AUNIP: variants seen among roughly 807,000 people sequenced by gnomAD.
The protein encoded by AUNIP is aurora kinase A and ninein interacting protein.
A neutral mutation model predicts 12.2 loss-of-function variants in AUNIP; 16 were observed. The observed-to-expected ratio is 1.31, with a 90% CI of 0.88 to 1.99. AUNIP has a LOEUF of 1.99. Among genes scored for constraint, AUNIP ranks in the 30% most tolerant of loss-of-function variants. The pLI is 0.00. For missense variants in AUNIP, 411 were observed against 419.1 expected (o/e 0.98, Z 0.17); for synonymous variants, 142 against 154.8 (o/e 0.92, Z 0.61).
intron 1 of AUNIP, among the ~76,000 whole-genome samples, chr1:25,850,111 G>T (rs2048415925): frequency 6.6e-6 from 1 of 151,650 alleles, no homozygotes; most frequent in African/African-American, 2.4e-5. Flanking sequence ...CAAATTTTAT[G>T]GTATATGAAT....
At chr1:25,842,273 T>TC (rs2048352126) in intron 1 of AUNIP, among the ~76,000 whole-genome samples, 1 of 152,248 alleles carries the variant, frequency 6.6e-6, no homozygotes, top group Admixed American at 6.5e-5. Context: ...GTGGTCTGGA[T>TC]AAATGATCAA....
In AUNIP at chr1:25,835,341, C is replaced by T. The variant is rs1572258248; in HGVS notation, c.726G>A (p.Gln242=). Residue 242 remains glutamine, a synonymous_variant, in exon 3 of 3, where the codon CAG becomes CAA. Coordinates refer to ENST00000374298, the MANE Select transcript of AUNIP (RefSeq NM_024037.3). ...TGTATGTTTGAAGGAGGACAGGGGC[C>T]TGCCTGTTTTCTTTGGCAGACACCT... ...ERKVSAKENR[Q]APVLLQTYRE... 1.2e-6 allele frequency: 2 copies of T among 1,614,236 alleles called. No individual in the cohort carries two copies. Among genetic ancestry groups the T allele is most frequent in the East Asian group, 4.5e-5 (2 of 44,892 alleles).
At chr1:25,859,183 C>T (rs1557458615) in intron 1 of AUNIP, 97 bp downstream of exon 1, 4 of 1,286,954 alleles carry the variant, frequency 3.1e-6, no homozygotes, top group Non-Finnish European at 4.3e-6. Context: ...TCCCCGACTT[C>T]GCTTTCATCA....
intron 1 of AUNIP, among the ~76,000 whole-genome samples, chr1:25,838,353 A>T (rs1467164299): frequency 1.3e-5 from 2 of 150,856 alleles, no homozygotes; most frequent in Admixed American, 6.6e-5. Context: ...AAATACAAAA[A>T]TTAGCCAGGC....
chr1:25,837,249 GCTTTT>G (rs2048309725), intron 2 of AUNIP, among the ~76,000 whole-genome samples, 159 bp downstream of exon 2: 1 of 152,190 alleles, frequency 6.6e-6, no homozygotes, highest in Non-Finnish European at 1.5e-5. Flanking sequence ...CACATATATT[GCTTTT>G]CAAAAGGCAA....
At chr1:25,832,047 T>G, downstream of AUNIP, 2 of 1,614,050 alleles carry the variant, frequency 1.2e-6, no homozygotes, top group East Asian at 4.5e-5. Flanking sequence ...CTCTGCAAAC[T>G]CAGTCTCATG....
At chr1:25,833,871 T>A (rs2048275468), downstream of AUNIP, 1 of 332,542 alleles carries the variant, frequency 3.0e-6, no homozygotes, top group South Asian at 1.2e-4. Flanking sequence ...CAAGGAATAA[T>A]GCCTTGGGTA....
rs1553124684 is a variant in AUNIP, at chr1:25,855,017, C to CGCAAACTTGGCTCACT, written c.78+4262_78+4263insAGTGAGCCAAGTTTGC. On this transcript the variant is annotated intron_variant, in intron 1 of 2. Transcript: ENST00000374298. ...TATCACCCAGTCTGGAGTGCAGTGG[C>CGCAAACTTGGCTCACT]GCAACCTTGGCTCACTGCAACCTCC... 1.3e-4 allele frequency among the ~76,000 whole-genome samples: 18 copies of CGCAAACTTGGCTCACT among 138,864 alleles called. No individual in the cohort carries two copies. In the East Asian group the frequency reaches 3.1e-3, roughly 24 times the overall value. The allele number at this position is 138,864 out of a possible 152,430, so 91.1% of individuals were successfully genotyped here. A position where few individuals can be genotyped will look rare whatever the true frequency, so the allele number is the denominator to read the frequency against.
intron 1 of AUNIP, among the ~76,000 whole-genome samples, chr1:25,857,689 C>T (rs1356062707): frequency 6.6e-6 from 1 of 151,474 alleles, no homozygotes; most frequent in Non-Finnish European, 1.5e-5. Flanking sequence ...ATAGTGAAAC[C>T]CTGTCTCTAC....
Position 25,835,188 on chromosome 1 carries a change from T to A in AUNIP, c.879A>T (p.Gln293His). The A allele has an allele frequency of 6.2e-7, 1 of 1,614,232 alleles. No individual in the cohort carries two copies. The highest frequency in any genetic ancestry group is 8.5e-7 in the Non-Finnish European group (1 of 1,180,046). Residue 293 changes from glutamine to histidine, a missense_variant, in exon 3 of 3, where the codon CAA becomes CAT. Transcript: ENST00000374298. ...SWSQLFTEDSQGQRVIAHNTR... is the reference protein window; with the variant it reads ...SWSQLFTEDSHGQRVIAHNTR... ...TGTTGTGGGCAATGACCCGCTGGCC[T>A]TGAGAATCTTCAGTGAAAAGTTGAC...
intron 1 of AUNIP, among the ~76,000 whole-genome samples, chr1:25,840,752 C>G (rs907414537): frequency 6.6e-6 from 1 of 152,168 alleles, no homozygotes; most frequent in East Asian, 1.9e-4. Context: ...TTGGGACCAA[C>G]TCAATACATT....
At chr1:25,836,841 A>G (rs2048306733) in intron 2 of AUNIP, among the ~76,000 whole-genome samples, 1 of 152,216 alleles carries the variant, frequency 6.6e-6, no homozygotes, top group Admixed American at 6.5e-5. Context: ...CACACCCGGC[A>G]TTAGAGCACT....
chr1:25,832,287 A>G, downstream of AUNIP: 1 of 1,058,690 alleles, frequency 9.4e-7, no homozygotes, highest in Non-Finnish European at 1.4e-6. Flanking sequence ...TTTAAAGGGT[A>G]AGAGAGAAGT....
intron 1 of AUNIP, among the ~76,000 whole-genome samples, chr1:25,843,780 G>A (rs1301334770): frequency 6.6e-6 from 1 of 151,966 alleles, no homozygotes; most frequent in Non-Finnish European, 1.5e-5. Flanking sequence ...AGAATTAAAA[G>A]TGGACCCTGA....
chr1:25,835,987 C>A, intron 2 of AUNIP, 141 bp from the exon 3 acceptor site: 3 of 1,292,162 alleles, frequency 2.3e-6, no homozygotes, highest in Non-Finnish European at 3.1e-6. Flanking sequence ...AACTTTGTAG[C>A]CAATCTTCCT....
downstream of AUNIP, chr1:25,832,056 T>C (rs369725159): frequency 1.7e-5 from 28 of 1,613,934 alleles, no homozygotes; most frequent in Non-Finnish European, 2.2e-5. Flanking sequence ...CTCAGTCTCA[T>C]GCTCCTGGAA....
chr1:25,855,443 C>T lies in AUNIP; in HGVS notation c.78+3837G>A, dbSNP rs188182840. On this transcript the variant is annotated intron_variant, in intron 1 of 2. Coordinates refer to ENST00000374298, the MANE Select transcript of AUNIP (RefSeq NM_024037.3). ...TCCCAAAGTGCTGAGATTACAGGCA[C>T]GAGCCACAGTCCTGTTTAATTTTTT... 1.3e-4 allele frequency among the ~76,000 whole-genome samples: 20 copies of T among 152,004 alleles called. No homozygotes were observed. The East Asian group carries it at 2.3e-3, about 18-fold the overall frequency.
chr1:25,856,944 C>T (rs1369390543), intron 1 of AUNIP, among the ~76,000 whole-genome samples: 5 of 135,872 alleles, frequency 3.7e-5, no homozygotes, highest in Non-Finnish European at 8.0e-5. Flanking sequence ...CCCGTCTCTA[C>T]AAAAAAAAAA....
intron 1 of AUNIP, among the ~76,000 whole-genome samples, chr1:25,843,027 A>T (rs2048356156): frequency 6.6e-6 from 1 of 151,918 alleles, no homozygotes; most frequent in South Asian, 2.1e-4. Flanking sequence ...CAAAAAATTT[A>T]AAAATTAGCA....
Sources: gnomAD v4.1 joint callset for allele counts (sites outside exome capture counted in the v4.1 genomes callset) on GRCh38, gnomAD v4.1.1 for gene constraint, MANE v1.5 for transcripts, NCBI Gene and HGNC (gene_info 2026-07-23, HGNC 2026-07-21) for gene names.